DHDDS: variants seen among roughly 807,000 people sequenced by gnomAD.
DHDDS encodes dehydrodolichyl diphosphate synthase complex subunit DHDDS.
DHDDS carries 16 observed loss-of-function variants against 46.2 expected under a neutral mutation model. The ratio of observed to expected loss-of-function variants is 0.35; its 90% confidence interval spans 0.23 to 0.53. The LOEUF (loss-of-function observed/expected upper bound fraction) is 0.53, where lower values mean the gene tolerates loss of function less well. Ranked by LOEUF, DHDDS falls within the 20% of genes least tolerant of loss-of-function variation. The probability of loss-of-function intolerance (pLI) is 0.94; values close to 1 mark genes in which losing one functional copy is unlikely to be tolerated. For missense variants in DHDDS, 340 were observed against 423.7 expected (o/e 0.80, Z 1.73); for synonymous variants, 151 against 163.1 (o/e 0.93, Z 0.56).
intron 7 of DHDDS, 32 bp from the exon 8 acceptor site, chr1:26,460,004 AC>A: frequency 6.4e-7 from 1 of 1,562,454 alleles, no homozygotes; most frequent in Non-Finnish European, 8.8e-7. Flanking sequence ...GCAACATGTT[AC>A]TAAATCATAC....
chr1:26,454,180 C>G (rs558966711), intron 6 of DHDDS, among the ~76,000 whole-genome samples: 2 of 152,284 alleles, frequency 1.3e-5, no homozygotes, highest in African/African-American at 4.8e-5. Flanking sequence ...GTCTCGACCT[C>G]CTGACCTCAT....
At chr1:26,462,372 T>C (rs2075432703) in intron 8 of DHDDS, among the ~76,000 whole-genome samples, 1 of 152,170 alleles carries the variant, frequency 6.6e-6, no homozygotes, top group African/African-American at 2.4e-5. Flanking sequence ...AAACACTTCA[T>C]TGTACAACAA....
intron 4 of DHDDS, among the ~76,000 whole-genome samples, chr1:26,444,548 G>A (rs2075250365): frequency 6.6e-6 from 1 of 152,086 alleles, no homozygotes; most frequent in South Asian, 2.1e-4. Flanking sequence ...CTTGATTCCA[G>A]CCTAGGCAAC....
chr1:26,449,160 G>A (rs1361586274), intron 6 of DHDDS, among the ~76,000 whole-genome samples: 6 of 151,582 alleles, frequency 4.0e-5, no homozygotes, highest in East Asian at 1.9e-4. Context: ...GTGCAATGGC[G>A]AGATCTTGGC....
In DHDDS at chr1:26,470,729, C is replaced by T. The variant is rs1355417995; in HGVS notation, c.*1598C>T. 6.5e-6 allele frequency: 1 copy of T among 152,680 alleles called. No homozygotes were observed. The highest frequency in any genetic ancestry group is 1.5e-5 in the Non-Finnish European group (1 of 68,064). The allele number at this position is 152,680 out of a possible 1,614,324, so 9.5% of individuals were successfully genotyped here. On this transcript the variant is annotated 3_prime_UTR_variant, in exon 9 of 9. Transcript: ENST00000236342. ...ACCTGGCACTCCCCTCTACCAATCC[C>T]TGGCACAGGGTTCCTGGAGAGCAGG... is the stretch of plus-strand genomic sequence containing the variant.
chr1:26,437,656 A>C (rs1337991526), intron 2 of DHDDS, among the ~76,000 whole-genome samples: 1 of 151,878 alleles, frequency 6.6e-6, no homozygotes, highest in Non-Finnish European at 1.5e-5. Flanking sequence ...TTGTATTTTT[A>C]GTAGAGACTG....
chr1:26,460,721 A>G (rs1271922721), intron 8 of DHDDS, among the ~76,000 whole-genome samples: 3 of 152,208 alleles, frequency 2.0e-5, no homozygotes, highest in Non-Finnish European at 4.4e-5. Context: ...TAGCTAACAT[A>G]TGAGGATCTA....
chr1:26,455,315 G>T, intron 6 of DHDDS: 1 of 509,646 alleles, frequency 2.0e-6, no homozygotes, highest in Non-Finnish European at 3.6e-6. Flanking sequence ...ATGCTGCCAA[G>T]ACAAGATTGT....
intron 8 of DHDDS, among the ~76,000 whole-genome samples, chr1:26,460,552 T>C (rs1359155073): frequency 6.6e-6 from 1 of 152,230 alleles, no homozygotes; most frequent in Non-Finnish European, 1.5e-5. Flanking sequence ...ATCGTAGCAG[T>C]AGGGATTAAG....
chr1:26,435,531 G>A (rs12753303), intron 2 of DHDDS, among the ~76,000 whole-genome samples: 4,011 of 148,174 alleles, frequency 0.027, 71 homozygotes, highest in Non-Finnish European at 0.044. Context: ...TCTGCCTCCC[G>A]GGTTCAAGCC....
At position 26,442,890 on chromosome 1, in the gene DHDDS, G is replaced by C. The variant is rs2124404679; in HGVS notation, c.323+17G>C. The C allele has an allele frequency of 6.2e-7, 1 of 1,613,844 alleles. No homozygotes were observed. The highest frequency in any genetic ancestry group is 1.7e-4 in the Middle Eastern group (1 of 5,936). ...GGAAGAAAAGTAAGATGCTATCAGA[G>C]GGGAGAGCATGTTCTTCCACCACCC... On this transcript the variant is annotated intron_variant, in intron 4 of 8. Transcript: ENST00000236342.
At chr1:26,434,143 T>A (rs1339805224) in intron 2 of DHDDS, among the ~76,000 whole-genome samples, 1 of 152,232 alleles carries the variant, frequency 6.6e-6, no homozygotes, top group African/African-American at 2.4e-5. Context: ...GTCTAGCAGT[T>A]CTTAATTATT....
chr1:26,433,043 G>A (rs946671218), intron 2 of DHDDS, 35 bp downstream of exon 2: 28 of 1,610,234 alleles, frequency 1.7e-5, no homozygotes, highest in Non-Finnish European at 2.2e-5. Flanking sequence ...TTGGCCTTCT[G>A]GTCAGTTGGA....
chr1:26,467,551 C>T (rs1368761552), intron 8 of DHDDS: 1 of 320,982 alleles, frequency 3.1e-6, no homozygotes, highest in Non-Finnish European at 6.7e-6. Flanking sequence ...CCATGTCTGT[C>T]TCCAGCAGAA....
chr1:26,442,992 T>G (rs936160437), intron 4 of DHDDS, 119 bp downstream of exon 4: 1 of 1,533,518 alleles, frequency 6.5e-7, no homozygotes, highest in Admixed American at 2.0e-5. Context: ...TAATGTTAGT[T>G]AGATATCTTG....
chr1:26,449,556 A>G (rs1490312755), intron 6 of DHDDS, among the ~76,000 whole-genome samples: 1 of 151,546 alleles, frequency 6.6e-6, no homozygotes, highest in Non-Finnish European at 1.5e-5. Context: ...GTGTGCCACC[A>G]TGCTCAGCTA....
intron 2 of DHDDS, 29 bp from the exon 3 acceptor site, chr1:26,438,139 T>C: frequency 6.2e-7 from 1 of 1,606,070 alleles, no homozygotes; most frequent in Non-Finnish European, 8.5e-7. Flanking sequence ...ATATGAGACC[T>C]GTTCATCATT....
At chr1:26,465,794 C>A (rs1455107118) in intron 8 of DHDDS, among the ~76,000 whole-genome samples, 2 of 152,202 alleles carry the variant, frequency 1.3e-5, no homozygotes, top group Non-Finnish European at 2.9e-5. Context: ...GGCAAGGAGA[C>A]TCTGAGGGTG....
chr1:26,446,236 G>T, intron 4 of DHDDS, 80 bp from the exon 5 acceptor site: 1 of 1,255,330 alleles, frequency 8.0e-7, no homozygotes, highest in East Asian at 2.4e-5. Context: ...AAAAACTGGT[G>T]GTCAGTTATT....
Sources: gnomAD v4.1 joint callset for allele counts (sites outside exome capture counted in the v4.1 genomes callset) on GRCh38, gnomAD v4.1.1 for gene constraint, MANE v1.5 for transcripts, NCBI Gene and HGNC (gene_info 2026-07-23, HGNC 2026-07-21) for gene names.